The following GRM8 variants were observed in gnomAD, a reference collection of about 807,000 sequenced individuals.
GRM8 encodes glutamate metabotropic receptor 8.
A neutral mutation model predicts 87.2 loss-of-function variants in GRM8; 47 were observed. The ratio of observed to expected loss-of-function variants is 0.54; its 90% CI spans 0.43 to 0.69. The LOEUF (loss-of-function observed/expected upper bound fraction) is 0.69. Among genes scored for constraint, GRM8 ranks in the 30% least tolerant of loss-of-function variants. The pLI, the probability that GRM8 is intolerant of heterozygous loss-of-function variation, is 0.00. For missense variants in GRM8, 1,019 were observed against 1,139.2 expected (o/e 0.89, Z 1.52); for synonymous variants, 396 against 404.5 (o/e 0.98, Z 0.25).
chr7:127,143,261 T>C (rs755714022), intron 2 of GRM8, among the ~76,000 whole-genome samples: 24 of 152,156 alleles, frequency 1.6e-4, no homozygotes, highest in Non-Finnish European at 3.2e-4. Context: ...GTGTAACAGA[T>C]GGAGAGGATT....
At chr7:126,622,443 G>A (rs1400677763) in intron 7 of GRM8, among the ~76,000 whole-genome samples, 3 of 151,790 alleles carry the variant, frequency 2.0e-5, no homozygotes, top group South Asian at 2.1e-4. Context: ...TGCTTCATAC[G>A]TTTCCACTGA....
At chr7:127,019,269 T>C (rs1285709800) in intron 3 of GRM8, among the ~76,000 whole-genome samples, 2 of 152,106 alleles carry the variant, frequency 1.3e-5, no homozygotes, top group African/African-American at 4.8e-5. Context: ...AACTGGTATA[T>C]TTAAAGACAC....
At chr7:126,655,619 T>C (rs1378292819) in intron 7 of GRM8, among the ~76,000 whole-genome samples, 1 of 152,202 alleles carries the variant, frequency 6.6e-6, no homozygotes, top group Non-Finnish European at 1.5e-5. Context: ...ATGGATACTA[T>C]CTAGAAATAA....
chr7:126,839,763 T>G (rs992622691), intron 6 of GRM8, among the ~76,000 whole-genome samples: 1 of 152,192 alleles, frequency 6.6e-6, no homozygotes, highest in African/African-American at 2.4e-5. Context: ...GTTTTGACTC[T>G]GTTCCCAAAA....
chr7:126,469,381 G>T (rs1323109237), intron 9 of GRM8, among the ~76,000 whole-genome samples: 2 of 151,942 alleles, frequency 1.3e-5, no homozygotes, highest in African/African-American at 4.8e-5. Flanking sequence ...AACTGCTTTT[G>T]TCAAGTTAAC....
chr7:127,225,559 C>T (rs553794472), intron 2 of GRM8, among the ~76,000 whole-genome samples: 14 of 151,472 alleles, frequency 9.2e-5, no homozygotes, highest in Middle Eastern at 3.4e-3. Flanking sequence ...AAGAAAGAAA[C>T]GCAACAATTT....
intron 7 of GRM8, among the ~76,000 whole-genome samples, chr7:126,763,042 T>C (rs1302095211): frequency 2.0e-5 from 3 of 151,852 alleles, no homozygotes; most frequent in Non-Finnish European, 4.4e-5. Flanking sequence ...CTCTTAGAGA[T>C]TGCATAGTTT....
At chr7:127,026,056 G>C (rs768550228) in intron 3 of GRM8, among the ~76,000 whole-genome samples, 2 of 151,804 alleles carry the variant, frequency 1.3e-5, no homozygotes, top group Non-Finnish European at 2.9e-5. Flanking sequence ...CTGTGTCCTT[G>C]TGTTCTCATT....
chr7:126,805,787 C>G (rs1464863659), intron 6 of GRM8, among the ~76,000 whole-genome samples: 1 of 152,132 alleles, frequency 6.6e-6, no homozygotes, highest in African/African-American at 2.4e-5. Flanking sequence ...TCTTCTGTGT[C>G]GGACTGTCTG....
intron 2 of GRM8, among the ~76,000 whole-genome samples, chr7:127,167,894 A>T (rs1793549189): frequency 6.6e-6 from 1 of 152,184 alleles, no homozygotes; most frequent in African/African-American, 2.4e-5. Flanking sequence ...AAAGACCTAA[A>T]ACCATGAAAA....
At chr7:126,765,903 T>C (rs1430392701) in intron 7 of GRM8, among the ~76,000 whole-genome samples, 1 of 152,112 alleles carries the variant, frequency 6.6e-6, no homozygotes, top group Non-Finnish European at 1.5e-5. Flanking sequence ...GTACCTTTTT[T>C]TCAGTGATTT....
intron 7 of GRM8, among the ~76,000 whole-genome samples, chr7:126,639,994 G>A (rs1475516046): frequency 1.3e-5 from 2 of 152,138 alleles, no homozygotes; most frequent in Admixed American, 1.3e-4. Flanking sequence ...CACTCCATGT[G>A]GTTCAAATGG....
intron 8 of GRM8, among the ~76,000 whole-genome samples, chr7:126,542,181 C>T (rs1816614844): frequency 6.6e-6 from 1 of 152,128 alleles, no homozygotes; most frequent in Non-Finnish European, 1.5e-5. Flanking sequence ...TTATTTAAGC[C>T]ACCCAGTCTG....
chr7:126,950,960 A>G (rs531643017), intron 3 of GRM8, among the ~76,000 whole-genome samples: 4 of 151,796 alleles, frequency 2.6e-5, no homozygotes, highest in Admixed American at 2.6e-4. Context: ...TTCTTTTATA[A>G]TAATATTAAA....
At position 126,904,611 on chromosome 7, in the gene GRM8, T is replaced by C. The variant is rs1172091696; in HGVS notation, c.800A>G (p.Lys267Arg). 3 of 1,613,840 alleles carry C rather than the reference T, an allele frequency of 1.9e-6. No individual in the cohort carries two copies. The highest frequency in any genetic ancestry group is 2.5e-6 in the Non-Finnish European group (3 of 1,179,734). Reference sequence around the variant, plus strand: ...AGCATTAGGTGTTTCTAGCAGGCGTTTGATAATTTTTTCAAATTCTCCAGG... The same window carrying C: ...AGCATTAGGTGTTTCTAGCAGGCGTCTGATAATTTTTTCAAATTCTCCAGG... Reference protein sequence around the residue: ...PRPGEFEKIIKRLLETPNARA... With the variant: ...PRPGEFEKIIRRLLETPNARA... The change falls in exon 4 of 11, where the codon AAA becomes AGA. Residue 267 changes from lysine to arginine, a missense_variant. Lys to Arg is a conservative substitution (Grantham distance 26, BLOSUM62 2). Coordinates refer to ENST00000339582, the MANE Select transcript of GRM8 (RefSeq NM_000845.3).
intron 3 of GRM8, among the ~76,000 whole-genome samples, chr7:126,959,970 T>G (rs145807683): frequency 6.6e-6 from 1 of 152,214 alleles, no homozygotes; most frequent in Non-Finnish European, 1.5e-5. Flanking sequence ...AAGTAATTAT[T>G]ACAATGCCTA....
intron 2 of GRM8, among the ~76,000 whole-genome samples, chr7:127,242,122 A>T (rs968404844): frequency 6.6e-6 from 1 of 152,226 alleles, no homozygotes. Context: ...AGTCTGTATC[A>T]GAGCAGTCTG....
At chr7:127,203,516 T>A (rs1186163378) in intron 2 of GRM8, among the ~76,000 whole-genome samples, 4 of 152,172 alleles carry the variant, frequency 2.6e-5, no homozygotes, top group Non-Finnish European at 5.9e-5. Context: ...GAGACTCACC[T>A]GGCCAACATG....
intron 3 of GRM8, among the ~76,000 whole-genome samples, chr7:127,057,377 A>C (rs1174452605): frequency 6.6e-6 from 1 of 152,096 alleles, no homozygotes; most frequent in Non-Finnish European, 1.5e-5. Context: ...GAAGGTATTT[A>C]ATAGTAACCT....
Sources: allele counts gnomAD v4.1 joint callset (sites outside exome capture counted in the v4.1 genomes callset), GRCh38; gene constraint gnomAD v4.1.1; transcripts MANE v1.5; gene names NCBI Gene and HGNC (gene_info 2026-07-23, HGNC 2026-07-21).